The following SAMD4A variants were observed in gnomAD, a reference collection of about 807,000 sequenced individuals.
SAMD4A encodes sterile alpha motif domain containing 4A, also known as protein Smaug homolog 1.
SAMD4A carries 33 observed loss-of-function variants against 81.3 expected under a neutral mutation model. That is an observed-to-expected ratio of 0.41 (90% CI 0.31 to 0.54). The LOEUF is 0.54. SAMD4A is among the 20% of genes least tolerant of loss of function. The pLI, the probability that SAMD4A is intolerant of heterozygous loss-of-function variation, is 0.37. For synonymous variants in SAMD4A, 389 were observed against 382.1 expected, an observed-to-expected ratio of 1.02 and a Z score of -0.21; for missense variants, 854 against 951.1, an observed-to-expected ratio of 0.90 and a Z score of 1.34.
At chr14:54,782,949 C>G (rs1312777712) in intron 11 of SAMD4A, among the ~76,000 whole-genome samples, 1 of 152,116 alleles carries the variant, frequency 6.6e-6, no homozygotes, top group African/African-American at 2.4e-5. Flanking sequence ...GCAGGGGGAC[C>G]CCGGGATGCT....
intron 2 of SAMD4A, among the ~76,000 whole-genome samples, chr14:54,640,213 A>G (rs1026198005): frequency 6.6e-6 from 1 of 151,974 alleles, no homozygotes; most frequent in Admixed American, 6.6e-5. Context: ...TTCATCTCCC[A>G]GCGCCCTCGT....
chr14:54,735,591 C>T (rs540238646), intron 3 of SAMD4A, among the ~76,000 whole-genome samples: 18 of 152,338 alleles, frequency 1.2e-4, no homozygotes, highest in Middle Eastern at 3.4e-3. Flanking sequence ...AATGGAAACA[C>T]TGACCACAGA....
chr14:54,727,268 C>G (rs2037448029), intron 3 of SAMD4A, among the ~76,000 whole-genome samples: 1 of 132,698 alleles, frequency 7.5e-6, no homozygotes, highest in Admixed American at 8.6e-5. Context: ...CGGCTTACTG[C>G]AACCTCTGTC....
At chr14:54,710,312 A>G (rs1296781203) in intron 3 of SAMD4A, among the ~76,000 whole-genome samples, 3 of 152,172 alleles carry the variant, frequency 2.0e-5, no homozygotes, top group Admixed American at 2.0e-4. Flanking sequence ...GCACACACCT[A>G]CATAGTGTTT....
intron 2 of SAMD4A, among the ~76,000 whole-genome samples, chr14:54,637,365 CAAAAAAAAAAAA>C (rs1172084217): frequency 1.6e-5 from 1 of 63,792 alleles, no homozygotes; most frequent in Non-Finnish European, 2.7e-5. Context: ...AACTCCATCT[CAAAAAAAAAAAA>C]AAAAAAAAAA....
chr14:54,782,812 T>A (rs919622675), intron 11 of SAMD4A, among the ~76,000 whole-genome samples: 1 of 152,188 alleles, frequency 6.6e-6, no homozygotes, highest in African/African-American at 2.4e-5. Flanking sequence ...AAAACAAAAC[T>A]TTGACTTAAC....
chr14:54,585,168 T>C (rs1309732483), intron 2 of SAMD4A, among the ~76,000 whole-genome samples: 1 of 152,238 alleles, frequency 6.6e-6, no homozygotes, highest in African/African-American at 2.4e-5. Context: ...CTGTCATTAA[T>C]ATTTTAATGC....
At chr14:54,639,040 T>C (rs915706068) in intron 2 of SAMD4A, among the ~76,000 whole-genome samples, 3 of 152,182 alleles carry the variant, frequency 2.0e-5, no homozygotes, top group Non-Finnish European at 4.4e-5. Context: ...CTGAGCAAGG[T>C]TGGCATGCTA....
At chr14:54,636,461 G>C (rs1334438436) in intron 2 of SAMD4A, among the ~76,000 whole-genome samples, 2 of 152,162 alleles carry the variant, frequency 1.3e-5, no homozygotes, top group African/African-American at 4.8e-5. Context: ...GTTTTGAGCA[G>C]AAAAGTGGCA....
chr14:54,780,807 G>A (rs2038980888), intron 11 of SAMD4A, among the ~76,000 whole-genome samples: 1 of 152,038 alleles, frequency 6.6e-6, no homozygotes, highest in Admixed American at 6.5e-5. Flanking sequence ...AATGTTAGGA[G>A]GCCACCAGAG....
chr14:54,788,518 A>G (rs1052465892), intron 12 of SAMD4A, among the ~76,000 whole-genome samples: 26 of 152,276 alleles, frequency 1.7e-4, no homozygotes, highest in African/African-American at 4.6e-4. Flanking sequence ...GTCACTTTGT[A>G]TCTCTCTGAA....
intron 2 of SAMD4A, among the ~76,000 whole-genome samples, chr14:54,639,295 C>A (rs1274652173): frequency 6.6e-6 from 1 of 152,246 alleles, no homozygotes; most frequent in Non-Finnish European, 1.5e-5. Flanking sequence ...GCTGTTGTTA[C>A]AATCTCCTCT....
At chr14:54,697,501 A>G (rs1324815994) in intron 2 of SAMD4A, among the ~76,000 whole-genome samples, 4 of 152,182 alleles carry the variant, frequency 2.6e-5, no homozygotes, top group African/African-American at 4.8e-5. Flanking sequence ...GGGGAGCTAA[A>G]TCATGGTCCA....
chr14:54,631,532 C>G (rs1366441377), intron 2 of SAMD4A, among the ~76,000 whole-genome samples: 3 of 152,148 alleles, frequency 2.0e-5, no homozygotes, highest in Non-Finnish European at 4.4e-5. Context: ...TATAACAAGA[C>G]AAAGCAACTT....
At chr14:54,733,969 C>G (rs2037625772) in intron 3 of SAMD4A, among the ~76,000 whole-genome samples, 1 of 152,228 alleles carries the variant, frequency 6.6e-6, no homozygotes, top group Non-Finnish European at 1.5e-5. Flanking sequence ...CTCGTCAATT[C>G]CACAACTGCA....
chr14:54,691,866 TTG>T (rs1332138871), intron 2 of SAMD4A, among the ~76,000 whole-genome samples: 1 of 152,248 alleles, frequency 6.6e-6, no homozygotes, highest in African/African-American at 2.4e-5. Context: ...ATCAGTTAAT[TTG>T]TGACTATGGA....
chr14:54,634,352 T>C lies in SAMD4A; in HGVS notation c.196+66240T>C, dbSNP rs185902719. On this transcript the variant is annotated intron_variant, in intron 2 of 12. Transcript: ENST00000554335. Reference sequence around the variant, plus strand: ...AATGAATGAATAGAAATAGGACCCATTGGAAGGGGAATGGGATTGGGTGAT... The same window carrying C: ...AATGAATGAATAGAAATAGGACCCACTGGAAGGGGAATGGGATTGGGTGAT... Among the ~76,000 whole-genome samples, 694 of 150,668 alleles carry C rather than the reference T, an allele frequency of 4.6e-3. 8 individuals carry two copies. Among genetic ancestry groups the C allele is most frequent in the African/African-American group, 0.016 (664 of 41,102 alleles).
At chr14:54,578,489 T>G in intron 2 of SAMD4A, among the ~76,000 whole-genome samples, 1 of 152,014 alleles carries the variant, frequency 6.6e-6, no homozygotes, top group East Asian at 1.9e-4. Context: ...AGCGGGCGGA[T>G]CACTTGAGGT....
At position 54,671,036 on chromosome 14, in the gene SAMD4A, A is replaced by G. The variant is rs2035870468; in HGVS notation, c.197-31026A>G. Among the ~76,000 whole-genome samples, 3 of 151,974 alleles carry G rather than the reference A, an allele frequency of 2.0e-5. No homozygotes were observed. The South Asian group carries it at 6.3e-4, about 32-fold the overall frequency. On this transcript the variant is annotated intron_variant, in intron 2 of 12. Coordinates refer to ENST00000554335, the MANE Select transcript of SAMD4A (RefSeq NM_015589.6). Reference sequence around the variant, plus strand: ...GCAGAGCTCAGGCGTGGCTGAGGGGACCCAAGTTGAATCAGACATGGATTC... The same window carrying G: ...GCAGAGCTCAGGCGTGGCTGAGGGGGCCCAAGTTGAATCAGACATGGATTC...
Sources: gnomAD v4.1 joint callset for allele counts (sites outside exome capture counted in the v4.1 genomes callset) on GRCh38, gnomAD v4.1.1 for gene constraint, MANE v1.5 for transcripts, NCBI Gene and HGNC (gene_info 2026-07-23, HGNC 2026-07-21) for gene names.